Variants in LCP2 observed in about 807,000 individuals in gnomAD.
LCP2 encodes the protein lymphocyte cytosolic protein 2, also known as 76 kDa tyrosine phosphoprotein.
LCP2 carries 29 observed loss-of-function variants against 74.5 expected under a neutral mutation model. The observed-to-expected ratio is 0.39, with a 90% confidence interval of 0.29 to 0.53. The LOEUF is 0.53. LCP2 is among the 20% of genes least tolerant of loss of function. LCP2 has a pLI of 0.72. For synonymous variants in LCP2, 228 were observed against 229.5 expected (o/e 0.99, Z 0.06); for missense variants, 604 against 634.6 (o/e 0.95, Z 0.52).
At chr5:170,278,090 C>A (rs973870091) in intron 3 of LCP2, among the ~76,000 whole-genome samples, 1 of 150,632 alleles carries the variant, frequency 6.6e-6, no homozygotes, top group Non-Finnish European at 1.5e-5. Flanking sequence ...GGCAAGGGAG[C>A]CCCGTTAGTG....
chr5:170,276,458 C>T (rs1423381435), intron 3 of LCP2, among the ~76,000 whole-genome samples: 1 of 152,156 alleles, frequency 6.6e-6, no homozygotes, highest in African/African-American at 2.4e-5. Context: ...GGGAGGTATT[C>T]TCTATAAAGG....
Position 170,274,335 on chromosome 5 carries a change from CT to C in LCP2, c.289del (p.Ser97AlafsTer139). On this transcript the variant is annotated frameshift_variant and splice_region_variant, in exon 6 of 21. Coordinates refer to ENST00000046794, the MANE Select transcript of LCP2 (RefSeq NM_005565.5). LOFTEE classifies it high-confidence loss of function. ...CCAGCCCCCATTGTCCTCTTCGTGG[CT>C]TTCTGTGGAAGGAGATGACACCACC... ...QVPRFPEETE[S>X]HEEDNGGWSS... 1 of 1,613,108 alleles carries C rather than the reference CT, an allele frequency of 6.2e-7. No homozygotes were observed.
At chr5:170,293,721 C>T (rs925425918) in intron 1 of LCP2, among the ~76,000 whole-genome samples, 15 of 152,182 alleles carry the variant, frequency 9.9e-5, no homozygotes, top group African/African-American at 3.1e-4. Flanking sequence ...GAGACGACCT[C>T]GGTGTTTCTT....
chr5:170,275,615 G>T, intron 4 of LCP2, 180 bp downstream of exon 4: 1 of 654,730 alleles, frequency 1.5e-6, no homozygotes, highest in Non-Finnish European at 2.7e-6. Context: ...CAGACCCAGG[G>T]ACAGGATGCA....
At chr5:170,251,615 A>G in intron 19 of LCP2, 4 of 456,182 alleles carry the variant, frequency 8.8e-6, no homozygotes, top group African/African-American at 2.0e-5. Flanking sequence ...TGAGTTGGCA[A>G]TAATGACTTT....
intron 8 of LCP2, chr5:170,267,296 T>C: frequency 1.7e-6 from 1 of 596,292 alleles, no homozygotes; most frequent in Non-Finnish European, 3.0e-6. Flanking sequence ...AGAGTGAGCA[T>C]GTCACTTTCC....
At chr5:170,282,863 C>T (rs1229719312) in intron 3 of LCP2, among the ~76,000 whole-genome samples, 1 of 152,222 alleles carries the variant, frequency 6.6e-6, no homozygotes, top group Non-Finnish European at 1.5e-5. Context: ...CTTTTTCTCA[C>T]TAAGCTCTCC....
In LCP2 at chr5:170,293,581, C is replaced by T. The variant is rs1471642225; in HGVS notation, c.79-209G>A. 2.6e-5 allele frequency among the ~76,000 whole-genome samples: 4 copies of T among 152,346 alleles called. No individual in the cohort carries two copies. In the East Asian group the frequency reaches 7.7e-4, roughly 29 times the overall value. ...GGACTGCCTGAAATGGAGAAATTGC[C>T]TTGCTCTAAGGCTTCGGGGCCAACC... On this transcript the variant is annotated intron_variant, in intron 1 of 20. Transcript: ENST00000046794.
intron 15 of LCP2, chr5:170,258,576 A>G: frequency 2.6e-6 from 1 of 387,910 alleles, no homozygotes; most frequent in East Asian, 3.9e-5. Context: ...GTTAGAAGAC[A>G]TAAATGTGAG....
In LCP2 at chr5:170,287,987, G is replaced by T. The variant is rs762103332; in HGVS notation, c.171C>A (p.Phe57Leu). 9 of 1,613,964 alleles carry T rather than the reference G, an allele frequency of 5.6e-6. No individual in the cohort carries two copies. Among genetic ancestry groups the T allele is most frequent in the Non-Finnish European group, 7.6e-6 (9 of 1,179,882 alleles). Reference sequence around the variant, plus strand: ...GTACTTACGGCACCCGGAGCTTGGGGAACTTCTGGATGTCATTTTCTGTCA... The same window carrying T: ...GTACTTACGGCACCCGGAGCTTGGGTAACTTCTGGATGTCATTTTCTGTCA... ...LNLTENDIQKFPKLRVPILSK... is the reference protein window; with the variant it reads ...LNLTENDIQKLPKLRVPILSK... Residue 57 changes from phenylalanine (F) to leucine (L), a missense_variant, in exon 3 of 21, where the codon TTC becomes TTA. Physicochemically the swap from Phe to Leu is conservative, Grantham distance 22. Coordinates refer to ENST00000046794, the MANE Select transcript of LCP2 (RefSeq NM_005565.5).
At chr5:170,268,652 T>G (rs982206765) in intron 7 of LCP2, among the ~76,000 whole-genome samples, 170 bp from the exon 8 acceptor site, 1 of 145,646 alleles carries the variant, frequency 6.9e-6, no homozygotes, top group South Asian at 2.3e-4. Flanking sequence ...CACCCCTCCC[T>G]GCCCATTTTT....
At chr5:170,257,931 C>A (rs1012175053) in intron 16 of LCP2, 106 bp downstream of exon 16, 8 of 1,277,126 alleles carry the variant, frequency 6.3e-6, no homozygotes, top group Non-Finnish European at 9.0e-6. Flanking sequence ...TCAGACCCTA[C>A]TATCTACCCG....
At chr5:170,274,222 G>A in intron 6 of LCP2, 79 bp downstream of exon 6, 2 of 1,454,544 alleles carry the variant, frequency 1.4e-6, no homozygotes, top group East Asian at 2.4e-5. Flanking sequence ...CGCTTCACTT[G>A]GCTCCATCCT....
chr5:170,283,375 C>T (rs1184103793), intron 3 of LCP2, among the ~76,000 whole-genome samples: 1 of 152,204 alleles, frequency 6.6e-6, no homozygotes, highest in Non-Finnish European at 1.5e-5. Flanking sequence ...ATCAGTTGAG[C>T]TTAGCCTTAA....
intron 3 of LCP2, among the ~76,000 whole-genome samples, chr5:170,281,687 G>A (rs2338873): frequency 0.12 from 17,611 of 152,216 alleles, 1,155 homozygotes; most frequent in Non-Finnish European, 0.15. Context: ...GCCTCAGTAC[G>A]TTGTTTCTGC....
chr5:170,283,763 A>G (rs2113203696), intron 3 of LCP2, among the ~76,000 whole-genome samples: 1 of 152,160 alleles, frequency 6.6e-6, no homozygotes, highest in South Asian at 2.1e-4. Flanking sequence ...GCTCTGCCCC[A>G]CTGCCGCTCC....
At chr5:170,253,929 A>G (rs1435261356) in intron 17 of LCP2, among the ~76,000 whole-genome samples, 1 of 152,198 alleles carries the variant, frequency 6.6e-6, no homozygotes, top group African/African-American at 2.4e-5. Flanking sequence ...ATCTCAGGAA[A>G]GGTTTAGTTG....
chr5:170,272,597 C>CTTTTTTT (rs61463939), intron 6 of LCP2, among the ~76,000 whole-genome samples: 699 of 40,348 alleles, frequency 0.017, 187 homozygotes, highest in Middle Eastern at 0.077. Flanking sequence ...CAAATATTTT[C>CTTTTTTT]TTTTTTTTTT....
Position 170,247,432 on chromosome 5 carries a change from G to A in LCP2, c.*1265C>T, listed in dbSNP as rs1312902127. ...ACCCCTTTTATTAGCTCATGAAAAT[G>A]AAGCTGCAAGATACTCTTTTCCATT... On this transcript the variant is annotated 3_prime_UTR_variant, in exon 21 of 21. Coordinates refer to ENST00000046794, the MANE Select transcript of LCP2 (RefSeq NM_005565.5). 1 of 152,184 alleles carries A rather than the reference G, an allele frequency of 6.6e-6. No individual in the cohort carries two copies. Among genetic ancestry groups the A allele is most frequent in the Non-Finnish European group, 1.5e-5 (1 of 68,028 alleles). 9.4% of individuals were successfully genotyped at this position (152,184 alleles called of 1,614,324 possible).
Sources: gnomAD v4.1 joint callset for allele counts (sites outside exome capture counted in the v4.1 genomes callset) on GRCh38, gnomAD v4.1.1 for gene constraint, MANE v1.5 for transcripts, NCBI Gene and HGNC (gene_info 2026-07-23, HGNC 2026-07-21) for gene names.